The following VRK2 variants were observed in gnomAD, a reference collection of about 807,000 sequenced individuals.
VRK2 encodes VRK serine/threonine kinase 2.
In VRK2, 60 loss-of-function variants were observed where a neutral mutation model predicts 57.6. The observed-to-expected ratio is 1.04, with a 90% confidence interval of 0.85 to 1.29. VRK2 has a LOEUF of 1.29. Among genes scored for constraint, VRK2 ranks in the 50% most tolerant of loss-of-function variants. The pLI, the probability that VRK2 is intolerant of heterozygous loss-of-function variation, is 0.00. For missense variants in VRK2, 705 were observed against 588.1 expected (o/e 1.20, Z -2.06); for synonymous variants, 231 against 199.2 (o/e 1.16, Z -1.35).
intron 1 of VRK2, among the ~76,000 whole-genome samples, chr2:58,024,172 A>C (rs1673852756): frequency 6.6e-6 from 1 of 152,020 alleles, no homozygotes; most frequent in East Asian, 1.9e-4. Context: ...AAAGTACAAA[A>C]AATATTTTTG....
At chr2:57,923,647 T>G (rs1670431553) in intron 1 of VRK2, among the ~76,000 whole-genome samples, 1 of 152,048 alleles carries the variant, frequency 6.6e-6, no homozygotes, top group African/African-American at 2.4e-5. Flanking sequence ...GTCAGATGCA[T>G]AGTTTGCAAA....
At chr2:58,082,714 A>G (rs1671064062) in intron 2 of VRK2, among the ~76,000 whole-genome samples, 1 of 151,880 alleles carries the variant, frequency 6.6e-6, no homozygotes, top group South Asian at 2.1e-4. Flanking sequence ...AAATAACTTA[A>G]CATGAATGAA....
At chr2:57,924,300 G>A (rs1670461301) in intron 1 of VRK2, among the ~76,000 whole-genome samples, 1 of 151,960 alleles carries the variant, frequency 6.6e-6, no homozygotes, top group Non-Finnish European at 1.5e-5. Context: ...TGAACTTGTA[G>A]ATTGTTTCCA....
In VRK2 at chr2:58,137,201, T is replaced by TGATA. The variant is rs1558687059; in HGVS notation, c.856+2002_856+2003insGATA. On this transcript the variant is annotated intron_variant, in intron 10 of 12. Coordinates refer to ENST00000340157, the MANE Select transcript of VRK2 (RefSeq NM_006296.7). ...ATATATCATATATGATACATATATATCTCATATATGATACATATATATCAT... is the reference window on the plus strand; with the variant it reads ...ATATATCATATATGATACATATATATGATACTCATATATGATACATATATATCAT... Among the ~76,000 whole-genome samples the TGATA allele has an allele frequency of 2.6e-3, 68 of 26,012 alleles. 2 individuals are homozygous for TGATA. Among genetic ancestry groups the TGATA allele is most frequent in the African/African-American group, 0.012 (66 of 5,408 alleles). The allele number at this position is 26,012 out of a possible 152,430, so 17.1% of individuals were successfully genotyped here.
At chr2:57,964,762 T>C (rs1320138423) in intron 1 of VRK2, among the ~76,000 whole-genome samples, 1 of 151,426 alleles carries the variant, frequency 6.6e-6, no homozygotes, top group African/African-American at 2.4e-5. Flanking sequence ...GGCACGCACC[T>C]GTAGGCCCAG....
intron 12 of VRK2, among the ~76,000 whole-genome samples, chr2:58,158,092 A>G (rs7590976): frequency 0.067 from 10,138 of 152,230 alleles, 1,121 homozygotes; most frequent in African/African-American, 0.23. Flanking sequence ...TCTGGAAATT[A>G]TAGTAGCTTG....
intron 7 of VRK2, among the ~76,000 whole-genome samples, chr2:58,120,184 CTTTTTTTT>C (rs397868874): frequency 0.015 from 782 of 52,050 alleles, 13 homozygotes; most frequent in Middle Eastern, 0.04. Flanking sequence ...TTTTTCTTTT[CTTTTTTTT>C]TTTTTTTTTT....
At chr2:58,115,841 C>G (rs995572479) in intron 7 of VRK2, among the ~76,000 whole-genome samples, 102 of 152,060 alleles carry the variant, frequency 6.7e-4, no homozygotes, top group African/African-American at 2.4e-3. Flanking sequence ...CAGGGTCAGT[C>G]TAAGTGAAGG....
intron 1 of VRK2, among the ~76,000 whole-genome samples, chr2:57,953,308 C>T (rs1671484072): frequency 6.6e-6 from 1 of 152,160 alleles, no homozygotes; most frequent in South Asian, 2.1e-4. Context: ...CATCTAGGCT[C>T]ATTTTGAGCA....
chr2:58,027,810 G>A (rs889446072), intron 2 of VRK2, among the ~76,000 whole-genome samples: 2 of 152,072 alleles, frequency 1.3e-5, no homozygotes, highest in Non-Finnish European at 2.9e-5. Context: ...AGAATAATAG[G>A]AATGGTGACA....
chr2:58,116,176 T>G (rs1290314972), intron 7 of VRK2, among the ~76,000 whole-genome samples: 2 of 150,992 alleles, frequency 1.3e-5, no homozygotes, highest in African/African-American at 2.4e-5. Context: ...TGGCATTGAG[T>G]GGGGTGAGGG....
At chr2:58,047,198 C>T (rs1674925800) in intron 1 of VRK2, 3 of 249,664 alleles carry the variant, frequency 1.2e-5, no homozygotes, top group African/African-American at 4.6e-5. Context: ...CGGGGTTGGC[C>T]GTAGGTCCCC....
At chr2:57,977,124 T>C (rs908617976) in intron 1 of VRK2, among the ~76,000 whole-genome samples, 1 of 152,176 alleles carries the variant, frequency 6.6e-6, no homozygotes, top group African/African-American at 2.4e-5. Context: ...AGTCTTGTAG[T>C]ATAATTTGAA....
intron 7 of VRK2, among the ~76,000 whole-genome samples, chr2:58,116,068 A>T (rs1676422513): frequency 6.6e-6 from 1 of 152,018 alleles, no homozygotes; most frequent in African/African-American, 2.4e-5. Context: ...AAAATGGGGG[A>T]ATGGTAAGGA....
intron 1 of VRK2, among the ~76,000 whole-genome samples, chr2:57,922,816 T>C (rs980026352): frequency 1.3e-5 from 2 of 151,990 alleles, no homozygotes; most frequent in Non-Finnish European, 2.9e-5. Flanking sequence ...TACCCTGTTA[T>C]GCTATCATAA....
intron 10 of VRK2, among the ~76,000 whole-genome samples, chr2:58,138,475 T>A (rs1258468403): frequency 6.6e-6 from 1 of 152,208 alleles, no homozygotes; most frequent in Non-Finnish European, 1.5e-5. Flanking sequence ...CACGTTAGCT[T>A]CATGTTCCCA....
Position 58,040,590 on chromosome 2 carries a change from C to A in VRK2, c.-6+7037C>A, listed in dbSNP as rs547371796. ...AGAGAAGCCTTTGCTTCTGTGTGGACCACAACTTGGTTTAAGTGTCTTAAG... is the reference window on the plus strand; with the variant it reads ...AGAGAAGCCTTTGCTTCTGTGTGGAACACAACTTGGTTTAAGTGTCTTAAG... On this transcript the variant is annotated intron_variant, in intron 3 of 15. Transcript: ENST00000417641. Among the ~76,000 whole-genome samples the A allele has an allele frequency of 4.6e-5, 7 of 152,284 alleles. No individual in the cohort carries two copies. In the East Asian group the frequency reaches 1.4e-3, roughly 29 times the overall value.
chr2:57,939,246 T>A (rs1206706227), intron 1 of VRK2, among the ~76,000 whole-genome samples: 1 of 152,226 alleles, frequency 6.6e-6, no homozygotes, highest in Non-Finnish European at 1.5e-5. Flanking sequence ...CAAGTGTTCA[T>A]TTTCCATTAG....
rs978327136 is a variant in VRK2, at chr2:57,978,778, C to T, written c.-438-46887C>T. On this transcript the variant is annotated intron_variant, in intron 1 of 15. Transcript: ENST00000417641. The stretch of plus-strand genomic sequence containing the variant: ...CATGGTGGTTTGCTGCACCTATTGA[C>T]CTGTCCTCTAAGTTCCCTCCCCTCA... 2.9e-4 allele frequency among the ~76,000 whole-genome samples: 43 copies of T among 150,284 alleles called. 4 individuals carry two copies. The highest frequency in any genetic ancestry group is 1.1e-3 in the African/African-American group (42 of 39,942).
Sources: gnomAD v4.1 joint callset for allele counts (sites outside exome capture counted in the v4.1 genomes callset) on GRCh38, gnomAD v4.1.1 for gene constraint, MANE v1.5 for transcripts, NCBI Gene and HGNC (gene_info 2026-07-23, HGNC 2026-07-21) for gene names.